Variants in KIRREL2 observed in about 807,000 individuals in gnomAD.
KIRREL2 encodes kirre like nephrin family adhesion molecule 2.
A neutral mutation model predicts 73.4 loss-of-function variants in KIRREL2; 56 were observed. The ratio of observed to expected loss-of-function variants is 0.76; its 90% CI spans 0.62 to 0.95. The LOEUF (loss-of-function observed/expected upper bound fraction) is 0.95, where lower values mean the gene tolerates loss of function less well. Ranked by LOEUF, KIRREL2 falls within the 40% of genes least tolerant of loss-of-function variation. KIRREL2 has a pLI of 0.00. For missense variants in KIRREL2, 896 were observed against 935.0 expected (o/e 0.96, Z 0.54); for synonymous variants, 407 against 404.0 (o/e 1.01, Z -0.09).
chr19:35,851,844 T>C (rs749661088), upstream of KIRREL2: 4 of 1,550,110 alleles, frequency 2.6e-6, no homozygotes, highest in South Asian at 4.8e-5. Context: ...CCATCACAGG[T>C]CCCCCTACTG....
intron 7 of KIRREL2, 74 bp from the exon 8 acceptor site, chr19:35,860,835 T>C: frequency 1.2e-6 from 2 of 1,607,266 alleles, no homozygotes; most frequent in South Asian, 2.2e-5. Flanking sequence ...GTGGTGTTTC[T>C]GTGGGGCTGG....
upstream of KIRREL2, among the ~76,000 whole-genome samples, chr19:35,855,117 A>G (rs1412505674): frequency 1.3e-5 from 2 of 151,828 alleles, no homozygotes; most frequent in African/African-American, 4.8e-5. Flanking sequence ...CTGGACTTCC[A>G]TCTTCCCTCA....
At chr19:35,855,506 GGCAC>G (rs1015088247), upstream of KIRREL2, among the ~76,000 whole-genome samples, 74 of 151,130 alleles carry the variant, frequency 4.9e-4, 2 homozygotes, top group Non-Finnish European at 1.2e-4. Context: ...TCAAAATCCA[GGCAC>G]TAGATAAGCC....
upstream of KIRREL2, among the ~76,000 whole-genome samples, chr19:35,854,783 A>G (rs905767897): frequency 6.6e-6 from 1 of 151,220 alleles, no homozygotes. Context: ...CGCTCCCCTC[A>G]CCCCACAGTC....
intron 7 of KIRREL2, 35 bp downstream of exon 7, chr19:35,860,702 G>A (rs1206203191): frequency 1.3e-6 from 2 of 1,598,720 alleles, no homozygotes; most frequent in East Asian, 2.2e-5. Context: ...GTGGTCAAAG[G>A]TGGCCGTGGC....
intron 12 of KIRREL2, 73 bp from the exon 13 acceptor site, chr19:35,862,854 C>G (rs915990855): frequency 2.2e-6 from 2 of 916,866 alleles, no homozygotes; most frequent in African/African-American, 1.6e-5. Flanking sequence ...CCAGTCCTCT[C>G]TCTTCCCGCT....
chr19:35,866,269 G>A lies in KIRREL2; in HGVS notation c.1904G>A (p.Gly635Glu), dbSNP rs754432228. 2.7e-5 allele frequency: 43 copies of A among 1,611,834 alleles called. No individual in the cohort carries two copies. The highest frequency in any genetic ancestry group is 3.6e-5 in the Non-Finnish European group (42 of 1,178,442). The change falls in exon 15 of 15, where the codon GGG (glycine) becomes GAG (glutamate). Residue 635 changes from glycine to glutamate, a missense_variant. By Grantham distance (98) the Gly-to-Glu change is moderately conservative (BLOSUM62 -2). Transcript: ENST00000360202. The stretch of plus-strand genomic sequence containing the variant: ...CCACCCTCCCCCCTTGGGCCCCCAG[G>A]GACCCCTACCTTCTATGACTTCAAC... ...LPPPSPLGPP[G>E]TPTFYDFNPH...
At chr19:35,858,304 C>T (rs1973516260) in intron 2 of KIRREL2, 104 bp from the exon 3 acceptor site, 1 of 1,371,940 alleles carries the variant, frequency 7.3e-7, no homozygotes, top group African/African-American at 1.4e-5. Context: ...TGTCTTACCA[C>T]CAAATGTGTG....
rs1020074774 is a variant in KIRREL2, at chr19:35,862,040, G to A, written c.1510+16G>A. Reference sequence around the variant, plus strand: ...GGCCGTAGAGGTGAGACCCCAGCCCGAAGACCCCAAATCTGGAGAGTCTAA... The same window carrying A: ...GGCCGTAGAGGTGAGACCCCAGCCCAAAGACCCCAAATCTGGAGAGTCTAA... On this transcript the variant is annotated intron_variant, in intron 11 of 14. Transcript: ENST00000360202. The A allele has an allele frequency of 1.9e-6, 3 of 1,592,374 alleles. No homozygotes were observed. The highest frequency in any genetic ancestry group is 2.6e-6 in the Non-Finnish European group (3 of 1,169,216).
At chr19:35,865,907 A>T (rs1038740990) in intron 14 of KIRREL2, among the ~76,000 whole-genome samples, 2 of 151,458 alleles carry the variant, frequency 1.3e-5, no homozygotes, top group African/African-American at 2.4e-5. Context: ...CCACACCGAC[A>T]CCCCTCAGCA....
chr19:35,851,932 C>A (rs1397024504), upstream of KIRREL2: 1 of 1,059,670 alleles, frequency 9.4e-7, no homozygotes, highest in Non-Finnish European at 1.4e-6. Context: ...GTCTCTGCCA[C>A]CTGCTTTTCT....
rs1212362013 is a variant in KIRREL2 at position 35,862,560 on chromosome 19, C to T, written c.1578C>T (p.Ile526=). The change falls in exon 12 of 15, where the codon ATC becomes ATT. Residue 526 remains isoleucine, a synonymous_variant. Coordinates refer to ENST00000360202, the MANE Select transcript of KIRREL2 (RefSeq NM_199180.4). ...AAATTTLLMV[I]TGVALCCWRH... is the part of the protein sequence containing the mutation. ...CCACCACAACTCTCCTTATGGTCAT[C>T]ACTGGGGTGGCCCTCTGCTGCTGGC... 2 of 1,610,144 alleles carry T rather than the reference C, an allele frequency of 1.2e-6. No individual in the cohort carries two copies. The highest frequency in any genetic ancestry group is 1.7e-6 in the Non-Finnish European group (2 of 1,179,962).
intron 9 of KIRREL2, 107 bp from the exon 10 acceptor site, chr19:35,861,434 C>G: frequency 6.9e-7 from 1 of 1,456,714 alleles, no homozygotes; most frequent in Non-Finnish European, 9.4e-7. Flanking sequence ...GCGGCGTGGC[C>G]TGATTGATTG....
At chr19:35,861,376 G>C in intron 9 of KIRREL2, 122 bp downstream of exon 9, 2 of 1,486,898 alleles carry the variant, frequency 1.3e-6, no homozygotes, top group Non-Finnish European at 1.8e-6. Flanking sequence ...GGGGGCTGGA[G>C]ACCGGACCTA....
intron 5 of KIRREL2, 33 bp from the exon 6 acceptor site, chr19:35,860,264 C>T: frequency 6.3e-7 from 1 of 1,580,684 alleles, no homozygotes; most frequent in Non-Finnish European, 8.7e-7. Context: ...GTTCCTGGTC[C>T]TTGCCCATCT....
intron 4 of KIRREL2, 76 bp downstream of exon 4, chr19:35,858,940 A>G: frequency 6.8e-7 from 1 of 1,479,994 alleles, no homozygotes; most frequent in Non-Finnish European, 9.4e-7. Flanking sequence ...AGGCTCATCC[A>G]GAAGAGAAGA....
rs767750038 is a variant in KIRREL2 at position 35,866,346 on chromosome 19, T to C, written c.1981T>C (p.Tyr661His). The C allele has an allele frequency of 1.2e-6, 2 of 1,611,080 alleles. No homozygotes were observed. Among genetic ancestry groups the C allele is most frequent in the Non-Finnish European group, 1.7e-6 (2 of 1,178,710 alleles). ...PCRLYRARAG[Y>H]LTTPHPRAFT... Reference sequence around the variant, plus strand: ...CAGACTTTACAGAGCCAGGGCAGGCTATCTCACCACACCCCACCCTCGAGC... The same window carrying C: ...CAGACTTTACAGAGCCAGGGCAGGCCATCTCACCACACCCCACCCTCGAGC... Residue 661 changes from tyrosine (Y) to histidine (H), a missense_variant, in exon 15 of 15, where the codon TAT (tyrosine) becomes CAT (histidine). Coordinates refer to ENST00000360202, the MANE Select transcript of KIRREL2 (RefSeq NM_199180.4).
chr19:35,851,877 C>T (rs773411081), upstream of KIRREL2: 27 of 1,534,088 alleles, frequency 1.8e-5, no homozygotes, highest in Non-Finnish European at 1.8e-6. Flanking sequence ...CGCCCGCTGC[C>T]AGCCACCTGC....
At chr19:35,859,179 C>T (rs183041811) in intron 4 of KIRREL2, among the ~76,000 whole-genome samples, 83 of 152,234 alleles carry the variant, frequency 5.5e-4, no homozygotes, top group African/African-American at 2.0e-3. Flanking sequence ...AAATAAATAC[C>T]TATAAATGCC....
Sources: gnomAD v4.1 joint callset for allele counts (sites outside exome capture counted in the v4.1 genomes callset) on GRCh38, gnomAD v4.1.1 for gene constraint, MANE v1.5 for transcripts, NCBI Gene and HGNC (gene_info 2026-07-23, HGNC 2026-07-21) for gene names.